The following RAI1 variants were observed in gnomAD, a reference collection of about 807,000 sequenced individuals.
The protein encoded by RAI1 is retinoic acid-induced protein 1.
RAI1 carries 9 observed loss-of-function variants against 123.8 expected under a neutral mutation model. That is an observed-to-expected ratio of 0.07 (90% CI 0.04 to 0.13). The LOEUF (loss-of-function observed/expected upper bound fraction) is 0.13. Among genes scored for constraint, RAI1 ranks in the 10% least tolerant of loss-of-function variants. The pLI, the probability that RAI1 is intolerant of heterozygous loss-of-function variation, is 1.00. For synonymous variants in RAI1, 1,231 were observed against 1,127.3 expected, an observed-to-expected ratio of 1.09 and a Z score of -1.84; for missense variants, 2,256 against 2,545.8, an observed-to-expected ratio of 0.89 and a Z score of 2.45.
At chr17:17,736,540 C>A (rs1360509617) in intron 2 of RAI1, among the ~76,000 whole-genome samples, 1 of 152,204 alleles carries the variant, frequency 6.6e-6, no homozygotes, top group African/African-American at 2.4e-5. Flanking sequence ...GCATCTGGAC[C>A]AGATGGAGAG....
At chr17:17,769,109 T>G (rs866624746) in intron 2 of RAI1, among the ~76,000 whole-genome samples, 3 of 152,178 alleles carry the variant, frequency 2.0e-5, no homozygotes, top group African/African-American at 7.2e-5. Flanking sequence ...CAAAGGCCAC[T>G]CTGCAGAAAG....
intron 2 of RAI1, among the ~76,000 whole-genome samples, chr17:17,758,281 G>C (rs1458492051): frequency 6.6e-6 from 1 of 152,218 alleles, no homozygotes; most frequent in African/African-American, 2.4e-5. Context: ...CCTCTCCAGG[G>C]GATGGGCGGG....
chr17:17,713,215 A>G (rs1915616626), intron 1 of RAI1, among the ~76,000 whole-genome samples: 1 of 152,196 alleles, frequency 6.6e-6, no homozygotes, highest in Non-Finnish European at 1.5e-5. Context: ...ATGCACATAG[A>G]AAACATTGCA....
At chr17:17,756,551 C>T (rs537205835) in intron 2 of RAI1, among the ~76,000 whole-genome samples, 1 of 152,314 alleles carries the variant, frequency 6.6e-6, no homozygotes, top group South Asian at 2.1e-4. Flanking sequence ...TTGCTTTCCA[C>T]TGTCTTGTTC....
Position 17,797,544 on chromosome 17 carries a change from C to T in RAI1, c.4596C>T (p.Ser1532=), listed in dbSNP as rs779033477. The change falls in exon 3 of 6, where the codon AGC becomes AGT. Residue 1532 remains serine, a synonymous_variant. Coordinates refer to ENST00000353383, the MANE Select transcript of RAI1 (RefSeq NM_030665.4). ...AQKQPGHTNY[S]SYSKRKRLTR... ...AACAGCCAGGCCACACCAACTACAG[C>T]AGCTATTCCAAGCGGAAGCGCCTCA... 6.2e-7 allele frequency: 1 copy of T among 1,614,048 alleles called. No individual in the cohort carries two copies. The highest frequency in any genetic ancestry group is 1.1e-5 in the South Asian group (1 of 91,078).
chr17:17,796,769 C>T lies in RAI1; in HGVS notation c.3821C>T (p.Ser1274Phe). ...EGSPTLFKRM[S>F]SPKKAKPTKG... ...TCCCCCACCCTCTTCAAGAGGATGTCTTCTCCCAAGAAAGCCAAGCCCACC... is the reference window on the plus strand; with the variant it reads ...TCCCCCACCCTCTTCAAGAGGATGTTTTCTCCCAAGAAAGCCAAGCCCACC... The change falls in exon 3 of 6, where the codon TCT (serine) becomes TTT (phenylalanine). Residue 1274 changes from serine (S) to phenylalanine (F), a missense_variant. By Grantham distance (155) the Ser-to-Phe change is radical. Transcript: ENST00000353383. This position sits in a 1 kb window ranked among gnomAD's most constrained non-coding sequence, Gnocchi z 5.8. 6.2e-7 allele frequency: 1 copy of T among 1,613,174 alleles called. No homozygotes were observed.
At chr17:17,736,822 T>C (rs1916448508) in intron 2 of RAI1, among the ~76,000 whole-genome samples, 1 of 152,312 alleles carries the variant, frequency 6.6e-6, no homozygotes, top group African/African-American at 2.4e-5. Flanking sequence ...ATGGATTCTT[T>C]CTAGAGAGAA....
intron 1 of RAI1, among the ~76,000 whole-genome samples, chr17:17,710,370 C>T (rs1387899077): frequency 6.6e-6 from 1 of 152,210 alleles, no homozygotes; most frequent in Admixed American, 6.5e-5. Flanking sequence ...AACATCCATC[C>T]CTACGTGGAT....
chr17:17,696,243 A>G (rs922240340), intron 1 of RAI1, among the ~76,000 whole-genome samples: 4 of 152,138 alleles, frequency 2.6e-5, no homozygotes, highest in African/African-American at 9.7e-5. Flanking sequence ...GTCATGCTGT[A>G]TATTTGGTTT....
rs377731841 is a variant in RAI1, at chr17:17,794,098, G to A, written c.1150G>A (p.Ala384Thr). The A allele has an allele frequency of 2.2e-5, 36 of 1,613,870 alleles. No homozygotes were observed. The highest frequency in any genetic ancestry group is 6.7e-5 in the East Asian group (3 of 44,888). The change falls in exon 3 of 6, where the codon GCA becomes ACA. Residue 384 changes from alanine to threonine, a missense_variant. Ala to Thr is a moderately conservative substitution (Grantham distance 58). This residue lies in a region of RAI1 where 357 missense variants were observed against 480.2 expected (regional missense o/e 0.74). Coordinates refer to ENST00000353383, the MANE Select transcript of RAI1 (RefSeq NM_030665.4). ...QQPLSTGAFP[A>T]GITDHSHFMP... ...GCCGCTCAGCACCGGGGCCTTCCCC[G>A]CAGGGATCACTGACCACAGCCACTT...
At chr17:17,712,661 G>A (rs901378219) in intron 1 of RAI1, among the ~76,000 whole-genome samples, 3 of 152,230 alleles carry the variant, frequency 2.0e-5, no homozygotes, top group African/African-American at 2.4e-5. Flanking sequence ...AGGCCCAGAA[G>A]GGGCTATTGC....
At chr17:17,725,992 T>C (rs527273350) in intron 2 of RAI1, among the ~76,000 whole-genome samples, 3 of 152,198 alleles carry the variant, frequency 2.0e-5, no homozygotes, top group African/African-American at 7.2e-5. Flanking sequence ...TCTGACATGC[T>C]AACAGTGTGA....
intron 2 of RAI1, among the ~76,000 whole-genome samples, chr17:17,788,712 C>A (rs1225694293): frequency 1.3e-5 from 2 of 152,120 alleles, no homozygotes; most frequent in East Asian, 3.9e-4. Flanking sequence ...GATCAGGAAG[C>A]CCCCAGTCCG....
chr17:17,743,473 GC>G (rs1411181745), intron 2 of RAI1, among the ~76,000 whole-genome samples: 3 of 152,340 alleles, frequency 2.0e-5, no homozygotes, highest in Admixed American at 2.0e-4. Flanking sequence ...GGGTGTGGAG[GC>G]CCCTGAGTGG....
chr17:17,774,490 G>A (rs1444331305), intron 2 of RAI1, among the ~76,000 whole-genome samples: 3 of 152,252 alleles, frequency 2.0e-5, no homozygotes, highest in African/African-American at 7.2e-5. Context: ...CTCCCAACAT[G>A]CCAGCCAGGG....
At chr17:17,729,877 C>G (rs1352726110) in intron 2 of RAI1, among the ~76,000 whole-genome samples, 2 of 152,186 alleles carry the variant, frequency 1.3e-5, no homozygotes, top group Non-Finnish European at 2.9e-5. Context: ...CTGGACCCAC[C>G]TGAGGCTATG....
At chr17:17,770,117 T>C (rs2031090798) in intron 2 of RAI1, among the ~76,000 whole-genome samples, 1 of 151,230 alleles carries the variant, frequency 6.6e-6, no homozygotes, top group Non-Finnish European at 1.5e-5. Flanking sequence ...GAGGGATTGC[T>C]GGCAGGAGGG....
In RAI1 at chr17:17,795,902, C is replaced by G; in HGVS notation, c.2954C>G (p.Pro985Arg). 1 of 1,611,318 alleles carries G rather than the reference C, an allele frequency of 6.2e-7. No individual in the cohort carries two copies. The highest frequency in any genetic ancestry group is 1.1e-5 in the South Asian group (1 of 91,072). Residue 985 changes from proline to arginine, a missense_variant, in exon 3 of 6, where the codon CCC becomes CGC. By Grantham distance (103) the Pro-to-Arg change is moderately radical. Coordinates refer to ENST00000353383, the MANE Select transcript of RAI1 (RefSeq NM_030665.4). This position sits in a 1 kb window ranked among gnomAD's most constrained non-coding sequence, Gnocchi z 5.9. Reference protein sequence around the residue: ...KPNKPAVPEAPIAKKEPVPRG... With the variant: ...KPNKPAVPEARIAKKEPVPRG... The stretch of plus-strand genomic sequence containing the variant: ...AACAAGCCTGCTGTGCCCGAGGCGC[C>G]CATCGCAAAGAAAGAGCCTGTGCCA...
At chr17:17,752,594 G>A (rs1203517711) in intron 2 of RAI1, among the ~76,000 whole-genome samples, 1 of 152,214 alleles carries the variant, frequency 6.6e-6, no homozygotes, top group Non-Finnish European at 1.5e-5. Flanking sequence ...CTTGGAGTCT[G>A]AGAGTGAGAG....
Sources: allele counts gnomAD v4.1 joint callset (sites outside exome capture counted in the v4.1 genomes callset), GRCh38; gene constraint gnomAD v4.1.1; regional missense constraint gnomAD v4.1.1; non-coding constraint Gnocchi (gnomAD v3.1); transcripts MANE v1.5; gene names NCBI Gene and HGNC (gene_info 2026-07-23, HGNC 2026-07-21).